The following MAST3 variants were observed in gnomAD, a reference collection of about 807,000 sequenced individuals.
MAST3 encodes the protein microtubule associated serine/threonine kinase 3.
A neutral mutation model predicts 127.0 loss-of-function variants in MAST3; 43 were observed. The observed-to-expected ratio is 0.34, with a 90% CI of 0.27 to 0.44. MAST3 has a LOEUF of 0.44. Among genes scored for constraint, MAST3 ranks in the 20% least tolerant of loss-of-function variants. The pLI is 1.00. For missense variants in MAST3, 1,390 were observed against 1,919.1 expected (o/e 0.72, Z 5.15); for synonymous variants, 785 against 809.2 (o/e 0.97, Z 0.51).
At chr19:18,113,029 C>T (rs2038806844) in intron 3 of MAST3, among the ~76,000 whole-genome samples, 1 of 152,152 alleles carries the variant, frequency 6.6e-6, no homozygotes, top group Non-Finnish European at 1.5e-5. Flanking sequence ...GGCTTCCACC[C>T]CAGGTGAGGA....
At chr19:18,118,797 C>T (rs1046474389) in intron 3 of MAST3, among the ~76,000 whole-genome samples, 18 of 152,104 alleles carry the variant, frequency 1.2e-4, no homozygotes, top group Admixed American at 1.2e-3. Flanking sequence ...GTTCAAATTT[C>T]GACTCAGCCA....
In MAST3 at chr19:18,112,743, T is replaced by C. The variant is rs990484659; in HGVS notation, c.161+2002T>C. Among the ~76,000 whole-genome samples, 2 of 152,230 alleles carry C rather than the reference T, an allele frequency of 1.3e-5. No individual in the cohort carries two copies. The highest frequency in any genetic ancestry group is 2.1e-4 in the South Asian group (1 of 4,828). The stretch of plus-strand genomic sequence containing the variant: ...GCCTTGGCTTCCCAAAGTGCTAGGA[T>C]TATAGGCGTGAGCCACTGCACCCCG... On this transcript the variant is annotated intron_variant, in intron 3 of 27. Coordinates refer to ENST00000687212, the MANE Select transcript of MAST3 (RefSeq NM_001393504.1). The surrounding 1 kb of genome is among the most constrained non-coding windows in gnomAD (Gnocchi z 4.1).
chr19:18,125,435 A>G (rs1169469599), intron 11 of MAST3, among the ~76,000 whole-genome samples: 1 of 152,174 alleles, frequency 6.6e-6, no homozygotes, highest in Non-Finnish European at 1.5e-5. Flanking sequence ...CGTAGGTAAG[A>G]AGACGGTCAA....
chr19:18,104,179 C>CAAAAAAAAAAAAAAAAA (rs56347763), intron 1 of MAST3, among the ~76,000 whole-genome samples: 5 of 43,484 alleles, frequency 1.1e-4, no homozygotes, highest in African/African-American at 5.6e-4. Context: ...GACGCTGTCT[C>CAAAAAAAAAAAAAAAAA]AAAAAAAAAA....
chr19:18,102,633 C>T (rs1186340950), intron 1 of MAST3, among the ~76,000 whole-genome samples: 2 of 152,212 alleles, frequency 1.3e-5, no homozygotes, highest in South Asian at 2.1e-4. Context: ...AGGCGCCTGC[C>T]ACCACATCCA....
chr19:18,145,710 G>A lies in MAST3; in HGVS notation c.3040-33G>A. 3 of 1,540,052 alleles carry A rather than the reference G, an allele frequency of 1.9e-6. No individual in the cohort carries two copies. Among genetic ancestry groups the A allele is most frequent in the African/African-American group, 1.4e-5 (1 of 71,060 alleles). ...TGGGGTCCCCAGATGTGGGGCCCAG[G>A]CCATTGACCCCACCGTTCTCGTCTG... is the stretch of plus-strand genomic sequence containing the variant. On this transcript the variant is annotated intron_variant, in intron 24 of 27. Transcript: ENST00000687212. This position sits in a 1 kb window ranked among gnomAD's most constrained non-coding sequence, Gnocchi z 5.9.
In MAST3 at chr19:18,124,780, C is replaced by G; in HGVS notation, c.1078+6C>G. ...GGCCAAGGACCCCCTGGAGGGTAAG[C>G]CGGGATGGGAAGAGGAAACCAAGGC... On this transcript the variant is annotated splice_donor_region_variant and intron_variant, in intron 11 of 27. Transcript: ENST00000687212. 1 of 1,583,432 alleles carries G rather than the reference C, an allele frequency of 6.3e-7. No homozygotes were observed. Among genetic ancestry groups the G allele is most frequent in the Non-Finnish European group, 8.6e-7 (1 of 1,164,328 alleles).
chr19:18,097,958 C>T (rs1229508283), intron 1 of MAST3, 127 bp downstream of exon 1: 1 of 724,226 alleles, frequency 1.4e-6, no homozygotes, highest in Non-Finnish European at 1.9e-6. Context: ...GGGGAACGCT[C>T]AGATCGCTTC....
chr19:18,135,004 G>A (rs752229141), intron 17 of MAST3, 22 bp downstream of exon 17: 6 of 1,570,528 alleles, frequency 3.8e-6, no homozygotes, highest in East Asian at 2.3e-5. Context: ...CCACGGGCCT[G>A]GGTTTGAGCT....
chr19:18,139,002 C>T lies in MAST3; in HGVS notation c.2096-13C>T. On this transcript the variant is annotated splice_polypyrimidine_tract_variant and intron_variant, in intron 19 of 27. Transcript: ENST00000687212. ...GGCATCAGGCGTGCTGCATGTGCCT[C>T]TCCCTCCCACAGCACGTTCGGAACG... 1 of 1,557,432 alleles carries T rather than the reference C, an allele frequency of 6.4e-7. No homozygotes were observed. Among genetic ancestry groups the T allele is most frequent in the Non-Finnish European group, 8.7e-7 (1 of 1,144,366 alleles).
chr19:18,134,376 T>C (rs759486317), intron 15 of MAST3, among the ~76,000 whole-genome samples: 6 of 152,188 alleles, frequency 3.9e-5, no homozygotes, highest in Non-Finnish European at 7.3e-5. Flanking sequence ...CAAGACCTTA[T>C]GTCTACAAAA....
At chr19:18,114,351 T>G (rs903790290) in intron 3 of MAST3, among the ~76,000 whole-genome samples, 8 of 151,384 alleles carry the variant, frequency 5.3e-5, no homozygotes, top group Non-Finnish European at 1.2e-4. Context: ...CACCACGCCC[T>G]GCTAGTTTTG....
intron 20 of MAST3, among the ~76,000 whole-genome samples, chr19:18,140,311 G>A (rs947569680): frequency 2.0e-5 from 3 of 151,866 alleles, no homozygotes; most frequent in Admixed American, 1.3e-4. Flanking sequence ...CCCCAGAGGT[G>A]GAGGCTGCAG....
intron 15 of MAST3, among the ~76,000 whole-genome samples, chr19:18,132,753 G>T (rs1034119570): frequency 2.0e-5 from 3 of 152,200 alleles, no homozygotes; most frequent in African/African-American, 7.2e-5. Flanking sequence ...GAGATACGAG[G>T]CAAGAACTGA....
intron 8 of MAST3, 43 bp from the exon 9 acceptor site, chr19:18,123,871 TGCCCCATTCTGCGTGTGTCACTCCA>T (rs2040283682): frequency 7.3e-7 from 1 of 1,371,354 alleles, no homozygotes; most frequent in African/African-American, 1.4e-5. Flanking sequence ...ATGCCTCTCC[TGCCCCATTCTGCGTGTGTCACTCCA>T]GCCCCGCCCT....
At position 18,145,355 on chromosome 19, in the gene MAST3, C is replaced by G; in HGVS notation, c.3039+126C>G. The G allele has an allele frequency of 1.2e-6, 1 of 845,808 alleles. No homozygotes were observed. Among genetic ancestry groups the G allele is most frequent in the Non-Finnish European group, 1.9e-6 (1 of 520,262 alleles). The allele number at this position is 845,808 out of a possible 1,614,324, so 52.4% of individuals were successfully genotyped here. On this transcript the variant is annotated intron_variant, in intron 24 of 27. Coordinates refer to ENST00000687212, the MANE Select transcript of MAST3 (RefSeq NM_001393504.1). This position sits in a 1 kb window ranked among gnomAD's most constrained non-coding sequence, Gnocchi z 5.9. ...TAGATAGAGCTGGTGCCACCGAGTT[C>G]ATCTCGGTCCCTGTCATTTGGCAGG...
At chr19:18,123,732 C>A in intron 8 of MAST3, 77 bp downstream of exon 8, 1 of 1,243,878 alleles carries the variant, frequency 8.0e-7, no homozygotes, top group Non-Finnish European at 1.1e-6. Context: ...CTCTGTCTTC[C>A]TGGCTATGTC....
intron 1 of MAST3, among the ~76,000 whole-genome samples, chr19:18,098,102 A>C (rs1295356421): frequency 6.6e-6 from 1 of 152,142 alleles, no homozygotes; most frequent in Admixed American, 6.5e-5. Flanking sequence ...GCCCCTCCCC[A>C]CCAGCTGTTC....
Position 18,145,581 on chromosome 19 carries a change from C to T in MAST3, c.3040-162C>T, listed in dbSNP as rs926824008. ...CTTTCTGGAGAAGGGGGCGTAGGAG[C>T]TGGGGCTTTGATGGGTGAGTAGGAG... On this transcript the variant is annotated intron_variant, in intron 24 of 27. Coordinates refer to ENST00000687212, the MANE Select transcript of MAST3 (RefSeq NM_001393504.1). The surrounding 1 kb of genome is among the most constrained non-coding windows in gnomAD (Gnocchi z 5.9). Among the ~76,000 whole-genome samples, 9 of 136,758 alleles carry T rather than the reference C, an allele frequency of 6.6e-5. 1 individual carries two copies. Among genetic ancestry groups the T allele is most frequent in the African/African-American group, 2.5e-4 (9 of 36,036 alleles). The allele number at this position is 136,758 out of a possible 152,430, so 89.7% of individuals were successfully genotyped here.
Sources: allele counts gnomAD v4.1 joint callset (sites outside exome capture counted in the v4.1 genomes callset), GRCh38; gene constraint gnomAD v4.1.1; non-coding constraint Gnocchi (gnomAD v3.1); transcripts MANE v1.5; gene names NCBI Gene and HGNC (gene_info 2026-07-23, HGNC 2026-07-21).